Variants in RGS14 observed in about 807,000 individuals in gnomAD.
The protein encoded by RGS14 is regulator of G-protein signaling 14.
Under a neutral mutation model 63.8 loss-of-function variants are expected in RGS14, and 33 were observed. The ratio of observed to expected loss-of-function variants is 0.52; its 90% CI spans 0.39 to 0.69. The LOEUF (loss-of-function observed/expected upper bound fraction) is 0.69, where lower values mean the gene tolerates loss of function less well. RGS14 is among the 30% of genes least tolerant of loss of function. The probability of loss-of-function intolerance (pLI) is 0.00; values close to 1 mark genes in which losing one functional copy is unlikely to be tolerated. For missense variants in RGS14, 739 were observed against 742.9 expected, an observed-to-expected ratio of 0.99 and a Z score of 0.06; for synonymous variants, 296 against 320.9, an observed-to-expected ratio of 0.92 and a Z score of 0.83.
In RGS14 at chr5:177,370,668, A is replaced by T. The variant is rs1376308395; in HGVS notation, c.1127+4A>T. 4.3e-6 allele frequency: 7 copies of T among 1,613,686 alleles called. No homozygotes were observed. Among genetic ancestry groups the T allele is most frequent in the Non-Finnish European group, 5.9e-6 (7 of 1,179,810 alleles). The stretch of plus-strand genomic sequence containing the variant: ...TGGAAAACAGGATCACCTTCGAGTG[A>T]GTGTCCTGCCCCCAAGTCTGGGTCC... On this transcript the variant is annotated splice_donor_region_variant and intron_variant, in intron 10 of 14. Transcript: ENST00000408923.
chr5:177,358,200 A>G lies in RGS14; in HGVS notation c.45+131A>G. 7 of 713,274 alleles carry G rather than the reference A, an allele frequency of 9.8e-6. No individual in the cohort carries two copies. Among genetic ancestry groups the G allele is most frequent in the Non-Finnish European group, 1.4e-5 (7 of 503,612 alleles). 44.2% of individuals were successfully genotyped at this position (713,274 alleles called of 1,614,324 possible). On this transcript the variant is annotated intron_variant, in intron 1 of 14. Coordinates refer to ENST00000408923, the MANE Select transcript of RGS14 (RefSeq NM_006480.5). The surrounding 1 kb of genome is among the most constrained non-coding windows in gnomAD (Gnocchi z 4.8). The stretch of plus-strand genomic sequence containing the variant: ...AGCAGGCGAGAGAAGTTGGGTACAG[A>G]CAGCAGCAGGTGGTAGGACCTGGTG...
Position 177,371,986 on chromosome 5 carries a change from C to A in RGS14, c.1612C>A (p.Pro538Thr). ...ATTTCTGCAGCTGCCCGCCCAAGGG[C>A]CCAGCTCCGAGGAGACCCCACCACA... is the stretch of plus-strand genomic sequence containing the variant. ...PEFLQLPAQG[P>T]SSEETPPQTK... Residue 538 changes from proline (P) to threonine (T), a missense_variant, in exon 15 of 15, where the codon CCC becomes ACC. Physicochemically the swap from Pro to Thr is conservative, Grantham distance 38 (BLOSUM62 -1). Coordinates refer to ENST00000408923, the MANE Select transcript of RGS14 (RefSeq NM_006480.5). This position sits in a 1 kb window ranked among gnomAD's most constrained non-coding sequence, Gnocchi z 6.1. 6.2e-7 allele frequency: 1 copy of A among 1,614,136 alleles called. No individual in the cohort carries two copies. The highest frequency in any genetic ancestry group is 8.5e-7 in the Non-Finnish European group (1 of 1,180,010).
In RGS14 at chr5:177,367,445, C is replaced by T. The variant is rs1484517617; in HGVS notation, c.515C>T (p.Ala172Val). 3.1e-6 allele frequency: 5 copies of T among 1,611,030 alleles called. No homozygotes were observed. Among genetic ancestry groups the T allele is most frequent in the South Asian group, 2.2e-5 (2 of 90,444 alleles). Residue 172 changes from alanine to valine, a missense_variant, in exon 6 of 15, where the codon GCG becomes GTG. By Grantham distance (64) the Ala-to-Val change is moderately conservative. Coordinates refer to ENST00000408923, the MANE Select transcript of RGS14 (RefSeq NM_006480.5). ...IFNLMKFDSY[A>V]RFVKSPLYRE... is the part of the protein sequence containing the mutation. ...AACTTGATGAAGTTCGACAGCTATG[C>T]GCGCTTCGTCAAGTCCCCGCTGTAC...
Position 177,371,775 on chromosome 5 carries a change from C to A in RGS14, c.1499-98C>A. 7.3e-7 allele frequency: 1 copy of A among 1,372,270 alleles called. No homozygotes were observed. The highest frequency in any genetic ancestry group is 1.0e-6 in the Non-Finnish European group (1 of 995,382). The allele number at this position is 1,372,270 out of a possible 1,614,324, so 85.0% of individuals were successfully genotyped here. A position where few individuals can be genotyped will look rare whatever the true frequency, so the allele number is the denominator to read the frequency against. The stretch of plus-strand genomic sequence containing the variant: ...GGGCCGCAGGCCATTGGTGCTGGGG[C>A]CAGGGAGGCAGTGGCCACAGTAAGG... On this transcript the variant is annotated intron_variant, in intron 14 of 14. Coordinates refer to ENST00000408923, the MANE Select transcript of RGS14 (RefSeq NM_006480.5). The surrounding 1 kb of genome is among the most constrained non-coding windows in gnomAD (Gnocchi z 6.1).
At chr5:177,363,322 G>T (rs1266128105) in intron 1 of RGS14, among the ~76,000 whole-genome samples, 3 of 152,070 alleles carry the variant, frequency 2.0e-5, no homozygotes, top group Non-Finnish European at 4.4e-5. Context: ...GGGCGGGGCC[G>T]GAGACGGGGG....
Position 177,370,860 on chromosome 5 carries a change from G to C in RGS14, c.1128-45G>C, listed in dbSNP as rs4976690. The C allele has an allele frequency of 2.2e-3, 3,433 of 1,549,014 alleles. 56 individuals carry two copies. The African/African-American group carries it at 0.041, about 19-fold the overall frequency. On this transcript the variant is annotated intron_variant, in intron 10 of 14. Transcript: ENST00000408923. ...CGTTTGTCCTGGGAAGGGTTTGGCGGGGGGCCGGCCCTCCGGCCCTCTGCT... is the reference window on the plus strand; with the variant it reads ...CGTTTGTCCTGGGAAGGGTTTGGCGCGGGGCCGGCCCTCCGGCCCTCTGCT...
In RGS14 at chr5:177,368,874, G is replaced by C. The variant is rs1404183234; in HGVS notation, c.1007G>C (p.Gly336Ala). 1 of 1,614,072 alleles carries C rather than the reference G, an allele frequency of 6.2e-7. No homozygotes were observed. Among genetic ancestry groups the C allele is most frequent in the Non-Finnish European group, 8.5e-7 (1 of 1,180,046 alleles). ...DMLAGICEKR[G>A]LSLPDIKVYL... ...CTGGCAGGGATCTGTGAGAAACGAG[G>C]CCTCTCTCTACCTGACATCAAGGTC... The change falls in exon 9 of 15, where the codon GGC (glycine) becomes GCC (alanine). Residue 336 changes from glycine to alanine, a missense_variant. Transcript: ENST00000408923.
chr5:177,358,627 T>A lies in RGS14; in HGVS notation c.45+558T>A, dbSNP rs1761882316. Among the ~76,000 whole-genome samples, 1 of 152,226 alleles carries A rather than the reference T, an allele frequency of 6.6e-6. No homozygotes were observed. The highest frequency in any genetic ancestry group is 6.5e-5 in the Admixed American group (1 of 15,282). On this transcript the variant is annotated intron_variant, in intron 1 of 14. Coordinates refer to ENST00000408923, the MANE Select transcript of RGS14 (RefSeq NM_006480.5). The surrounding 1 kb of genome is among the most constrained non-coding windows in gnomAD (Gnocchi z 4.8). ...ATGCAGCTTCTGCCTGTTCTATTCC[T>A]GAGCTTCCAGGAAGGGCTGAGCACT...
chr5:177,366,221 G>C lies in RGS14; in HGVS notation c.112G>C (p.Gly38Arg). The C allele has an allele frequency of 6.2e-7, 1 of 1,602,970 alleles. No homozygotes were observed. The highest frequency in any genetic ancestry group is 1.1e-5 in the South Asian group (1 of 89,570). Residue 38 changes from glycine to arginine, a missense_variant, in exon 3 of 15, where the codon GGC becomes CGC. By Grantham distance (125) the Gly-to-Arg change is moderately radical (BLOSUM62 -2). Transcript: ENST00000408923. ...TGPQGQGEGR[G>R]SSLSIHSLPS... The stretch of plus-strand genomic sequence containing the variant: ...GCCCCAGGGCCAGGGCGAGGGCCGC[G>C]GCAGCTCTCTCAGCATCCACAGCCT...
rs778894774 is a variant in RGS14 at position 177,371,170 on chromosome 5, C to T, written c.1260C>T (p.Gly420=). 6.2e-7 allele frequency: 1 copy of T among 1,611,574 alleles called. No individual in the cohort carries two copies. The highest frequency in any genetic ancestry group is 8.5e-7 in the Non-Finnish European group (1 of 1,179,314). ...CTGCTGACCTCTCCCCACAGCCAGGCGAGAAACAGCCTCTGGATCTGGGGA... is the reference window on the plus strand; with the variant it reads ...CTGCTGACCTCTCCCCACAGCCAGGTGAGAAACAGCCTCTGGATCTGGGGA... ...SPLEVVLHRP[G]EKQPLDLGKL... is the part of the protein sequence containing the mutation. Residue 420 remains glycine (G), a synonymous_variant, in exon 12 of 15, where the codon GGC becomes GGT. Coordinates refer to ENST00000408923, the MANE Select transcript of RGS14 (RefSeq NM_006480.5). This position sits in a 1 kb window ranked among gnomAD's most constrained non-coding sequence, Gnocchi z 6.1.
At chr5:177,367,138 T>C in intron 5 of RGS14, 104 bp downstream of exon 5, 2 of 1,437,776 alleles carry the variant, frequency 1.4e-6, no homozygotes. Flanking sequence ...GGGGGCAAAT[T>C]TGGAGGCGGA....
intron 1 of RGS14, among the ~76,000 whole-genome samples, chr5:177,361,840 G>T (rs1460390861): frequency 6.6e-6 from 1 of 152,146 alleles, no homozygotes; most frequent in Non-Finnish European, 1.5e-5. Flanking sequence ...TGTGTCACTG[G>T]CCACCACACC....
chr5:177,369,033 T>C, intron 9 of RGS14, 113 bp downstream of exon 9: 1 of 1,033,944 alleles, frequency 9.7e-7, no homozygotes, highest in Non-Finnish European at 1.5e-6. Flanking sequence ...TAAACCCAAC[T>C]CCAAAGCACC....
At chr5:177,362,783 C>CG (rs1335229002) in intron 1 of RGS14, among the ~76,000 whole-genome samples, 3 of 149,452 alleles carry the variant, frequency 2.0e-5, no homozygotes, top group Non-Finnish European at 4.4e-5. Flanking sequence ...GGAAAGGGCC[C>CG]GGGTTGGCAC....
rs1472731261 is a variant in RGS14, at chr5:177,371,062, GCGGGGCCGGGC to G, written c.1254+42_1254+52del. On this transcript the variant is annotated intron_variant, in intron 11 of 14. Coordinates refer to ENST00000408923, the MANE Select transcript of RGS14 (RefSeq NM_006480.5). The surrounding 1 kb of genome is among the most constrained non-coding windows in gnomAD (Gnocchi z 6.1). ...CTTCCGGGCCGCGGGGCGGGGCGGG[GCGGGGCCGGGC>G]CGGGGCCGGGGCCGGGGCCGGGGCC... 1.4e-4 allele frequency: 153 copies of G among 1,105,112 alleles called. 11 individuals are homozygous for G. In the African/African-American group the frequency reaches 1.6e-3, roughly 12 times the overall value. 68.5% of individuals were successfully genotyped at this position (1,105,112 alleles called of 1,614,324 possible).
At chr5:177,370,813 C>A in intron 10 of RGS14, 92 bp from the exon 11 acceptor site, 1 of 1,548,694 alleles carries the variant, frequency 6.5e-7, no homozygotes, top group Non-Finnish European at 8.7e-7. Context: ...CCACCTTCTG[C>A]AGTTCAAGCT....
chr5:177,367,070 G>A, intron 5 of RGS14, 36 bp downstream of exon 5: 2 of 1,580,006 alleles, frequency 1.3e-6, no homozygotes, highest in Non-Finnish European at 1.7e-6. Context: ...TTGAAAGGGA[G>A]ACAAAAGGAG....
At chr5:177,362,022 G>C (rs550386918) in intron 1 of RGS14, among the ~76,000 whole-genome samples, 3 of 152,178 alleles carry the variant, frequency 2.0e-5, no homozygotes, top group Non-Finnish European at 4.4e-5. Flanking sequence ...TCACTCCGCT[G>C]TGGGGTGCTG....
In RGS14 at chr5:177,359,465, C is replaced by T. The variant is rs542060774; in HGVS notation, c.45+1396C>T. ...TGGGAGGGCAACTGGATTGATGCTT[C>T]TGGGACAGTGCCTAGAACTACAGGG... On this transcript the variant is annotated intron_variant, in intron 1 of 14. Coordinates refer to ENST00000408923, the MANE Select transcript of RGS14 (RefSeq NM_006480.5). This position sits in a 1 kb window ranked among gnomAD's most constrained non-coding sequence, Gnocchi z 4.4. 8.5e-5 allele frequency among the ~76,000 whole-genome samples: 13 copies of T among 152,194 alleles called. No individual in the cohort carries two copies. Among genetic ancestry groups the T allele is most frequent in the Non-Finnish European group, 1.9e-4 (13 of 68,034 alleles).
Sources: gnomAD v4.1 joint callset for allele counts (sites outside exome capture counted in the v4.1 genomes callset) on GRCh38, gnomAD v4.1.1 for gene constraint, Gnocchi (gnomAD v3.1) non-coding constraint, MANE v1.5 for transcripts, NCBI Gene and HGNC (gene_info 2026-07-23, HGNC 2026-07-21) for gene names.